Variants in STAC observed in about 807,000 individuals in gnomAD.
STAC encodes SH3 and cysteine-rich domain-containing protein.
STAC carries 43 observed loss-of-function variants against 48.8 expected under a neutral mutation model. The observed-to-expected ratio is 0.88, with a 90% CI of 0.69 to 1.14. The LOEUF (loss-of-function observed/expected upper bound fraction) is 1.14. STAC is among the 50% of genes most tolerant of loss of function. The probability of loss-of-function intolerance (pLI) is 0.00; values close to 1 mark genes in which losing one functional copy is unlikely to be tolerated. For missense variants in STAC, 497 were observed against 504.0 expected, an observed-to-expected ratio of 0.99 and a Z score of 0.13; for synonymous variants, 193 against 179.5, an observed-to-expected ratio of 1.07 and a Z score of -0.60.
At chr3:36,437,879 C>A (rs1575199136) in intron 1 of STAC, among the ~76,000 whole-genome samples, 1 of 149,566 alleles carries the variant, frequency 6.7e-6, no homozygotes, top group East Asian at 1.9e-4. Context: ...TGCCGTAGCC[C>A]CCAAATCAAG....
At chr3:36,399,955 A>G (rs891898549) in intron 1 of STAC, among the ~76,000 whole-genome samples, 8 of 152,226 alleles carry the variant, frequency 5.3e-5, no homozygotes, top group African/African-American at 1.9e-4. Context: ...TTTGGAAAAC[A>G]CTGAAGGAAA....
chr3:36,420,281 T>G (rs1282380763), intron 1 of STAC, among the ~76,000 whole-genome samples: 1 of 152,246 alleles, frequency 6.6e-6, no homozygotes, highest in African/African-American at 2.4e-5. Flanking sequence ...CTAGTGTAAC[T>G]GATACCATTG....
At position 36,397,963 on chromosome 3, in the gene STAC, T is replaced by C. The variant is rs79468334; in HGVS notation, c.111+17209T>C. 5.5e-3 allele frequency among the ~76,000 whole-genome samples: 822 copies of C among 150,758 alleles called. 23 individuals are homozygous for C. The East Asian group carries it at 0.089, about 16-fold the overall frequency. ...TTGTAATACATTATAGTGTTGATGA[T>C]GGGAGATATTTAAAACTTGTGTCTG... On this transcript the variant is annotated intron_variant, in intron 1 of 10. Transcript: ENST00000273183.
intron 2 of STAC, among the ~76,000 whole-genome samples, chr3:36,473,768 A>G (rs59512887): frequency 0.031 from 4,704 of 152,248 alleles, 218 homozygotes; most frequent in African/African-American, 0.11. Context: ...CTGTTATCCT[A>G]CTTTTTTTAC....
chr3:36,427,951 T>A (rs763392069), intron 1 of STAC, among the ~76,000 whole-genome samples: 17 of 152,284 alleles, frequency 1.1e-4, no homozygotes, highest in Non-Finnish European at 1.9e-4. Context: ...TACGAGACAA[T>A]TATTCTGTAC....
At chr3:36,414,352 T>A (rs1269471395) in intron 1 of STAC, among the ~76,000 whole-genome samples, 2 of 152,208 alleles carry the variant, frequency 1.3e-5, no homozygotes, top group African/African-American at 4.8e-5. Flanking sequence ...AGTCCCATAT[T>A]TCTCGGAGGA....
chr3:36,425,427 A>G (rs1274697609), intron 1 of STAC, among the ~76,000 whole-genome samples: 1 of 152,220 alleles, frequency 6.6e-6, no homozygotes, highest in African/African-American at 2.4e-5. Flanking sequence ...AGTAAGACTG[A>G]CCGAGGACCT....
At chr3:36,418,939 C>T (rs1159084060) in intron 1 of STAC, among the ~76,000 whole-genome samples, 2 of 150,066 alleles carry the variant, frequency 1.3e-5, no homozygotes, top group African/African-American at 4.9e-5. Context: ...CCCAGCTACC[C>T]GGGAGGCTGA....
rs763573396 is a variant in STAC at position 36,485,057 on chromosome 3, T to C, written c.570T>C (p.Ile190=). The C allele has an allele frequency of 6.2e-7, 1 of 1,601,960 alleles. No homozygotes were observed. The highest frequency in any genetic ancestry group is 1.1e-5 in the South Asian group (1 of 88,652). Residue 190 remains isoleucine, a splice_region_variant and synonymous_variant, in exon 4 of 11, where the codon ATT becomes ATC. Transcript: ENST00000273183. ...QFGCIKEVMP[I]ACGNKVDPVY... ...GCTGCATTAAAGAAGTTATGCCCAT[T>C]GGTGAGTTGGGACATTGATGGGTTG... is the stretch of plus-strand genomic sequence containing the variant.
At chr3:36,524,463 G>A (rs891025343) in intron 8 of STAC, among the ~76,000 whole-genome samples, 1 of 152,076 alleles carries the variant, frequency 6.6e-6, no homozygotes, top group East Asian at 1.9e-4. Context: ...ATGGTAGCGG[G>A]CGCCTTTCTT....
chr3:36,512,402 T>C (rs1271027921), intron 8 of STAC, among the ~76,000 whole-genome samples: 1 of 152,196 alleles, frequency 6.6e-6, no homozygotes, highest in Non-Finnish European at 1.5e-5. Flanking sequence ...ATATATTTAC[T>C]TTGCAATAAG....
intron 1 of STAC, among the ~76,000 whole-genome samples, chr3:36,419,966 T>C (rs1700410389): frequency 6.6e-6 from 1 of 152,242 alleles, no homozygotes; most frequent in Non-Finnish European, 1.5e-5. Context: ...GAGATTATCA[T>C]ACTCCTTGCT....
intron 6 of STAC, among the ~76,000 whole-genome samples, chr3:36,494,984 C>T (rs1448256176): frequency 1.3e-5 from 2 of 152,186 alleles, no homozygotes; most frequent in Non-Finnish European, 2.9e-5. Flanking sequence ...CTGACCTCTG[C>T]TTTCCCCTTT....
chr3:36,502,537 A>G (rs1223501877), intron 6 of STAC, among the ~76,000 whole-genome samples: 1 of 152,232 alleles, frequency 6.6e-6, no homozygotes, highest in African/African-American at 2.4e-5. Context: ...AATTAAAACA[A>G]TGTGAAATTA....
At chr3:36,489,356 C>G (rs1349152699) in intron 5 of STAC, among the ~76,000 whole-genome samples, 1 of 152,164 alleles carries the variant, frequency 6.6e-6, no homozygotes, top group Non-Finnish European at 1.5e-5. Context: ...GGGATCCGCA[C>G]AACACTTCAT....
chr3:36,520,815 G>C (rs765196109), intron 8 of STAC, among the ~76,000 whole-genome samples: 1 of 152,090 alleles, frequency 6.6e-6, no homozygotes, highest in Non-Finnish European at 1.5e-5. Context: ...TCTCATTTAG[G>C]TTCTGGAGAG....
intron 1 of STAC, among the ~76,000 whole-genome samples, chr3:36,440,861 A>C (rs1269443281): frequency 6.6e-6 from 1 of 152,214 alleles, no homozygotes; most frequent in African/African-American, 2.4e-5. Context: ...TATATTGTGT[A>C]GGGGGAGTCT....
intron 1 of STAC, among the ~76,000 whole-genome samples, chr3:36,437,986 T>C (rs1696202828): frequency 6.8e-6 from 1 of 146,996 alleles, no homozygotes; most frequent in South Asian, 2.2e-4. Context: ...TTGCCCGGGC[T>C]GGAGTGCAAT....
rs146891122 is a variant in STAC at position 36,528,209 on chromosome 3, G to A, written c.921-487G>A. On this transcript the variant is annotated intron_variant, in intron 8 of 10. Transcript: ENST00000273183. ...TTTTTGGCTGGGCTGGATGACTCAC[G>A]CCTGTAATCCCAACACTTTGGGAAG... Among the ~76,000 whole-genome samples, 340 of 152,150 alleles carry A rather than the reference G, an allele frequency of 2.2e-3. No homozygotes were observed. The Middle Eastern group carries it at 0.024, about 11-fold the overall frequency.
Sources: gnomAD v4.1 joint callset for allele counts (sites outside exome capture counted in the v4.1 genomes callset) on GRCh38, gnomAD v4.1.1 for gene constraint, MANE v1.5 for transcripts, NCBI Gene and HGNC (gene_info 2026-07-23, HGNC 2026-07-21) for gene names.